Variants in MME observed in about 807,000 individuals in gnomAD.
MME encodes neprilysin.
Under a neutral mutation model 113.2 loss-of-function variants are expected in MME, and 98 were observed. That is an observed-to-expected ratio of 0.87 (90% CI 0.74 to 1.02). The LOEUF is 1.02. Among genes scored for constraint, MME ranks in the 50% least tolerant of loss-of-function variants. The pLI, the probability that MME is intolerant of heterozygous loss-of-function variation, is 0.00. For synonymous variants in MME, 292 were observed against 300.6 expected (o/e 0.97, Z 0.30); for missense variants, 836 against 896.0 (o/e 0.93, Z 0.86).
intron 1 of MME, among the ~76,000 whole-genome samples, chr3:155,060,165 G>A (rs1714086018): frequency 6.6e-6 from 1 of 152,144 alleles, no homozygotes; most frequent in Admixed American, 6.5e-5. Context: ...ATAACATGCT[G>A]AGAGGTTGCA....
chr3:155,076,919 G>A (rs1398331672), upstream of MME, among the ~76,000 whole-genome samples: 3 of 152,130 alleles, frequency 2.0e-5, no homozygotes, highest in East Asian at 1.9e-4. Context: ...GACCACCAGC[G>A]GTCACTTTCA....
chr3:155,122,026 G>A (rs1257399812), intron 8 of MME, among the ~76,000 whole-genome samples: 11 of 117,412 alleles, frequency 9.4e-5, no homozygotes, highest in African/African-American at 3.0e-4. Context: ...GGTAGAATTC[G>A]GCTGTGAATC....
chr3:155,118,699 C>T (rs1173908218), intron 7 of MME, 47 bp from the exon 8 acceptor site: 1 of 1,261,498 alleles, frequency 7.9e-7, no homozygotes, highest in Admixed American at 1.9e-5. Context: ...TCAAACTTTT[C>T]TATATTCACT....
intron 1 of MME, among the ~76,000 whole-genome samples, chr3:155,043,913 TTGC>T (rs1713450708): frequency 6.6e-6 from 1 of 152,124 alleles, no homozygotes; most frequent in Admixed American, 6.5e-5. Flanking sequence ...CCAAAAGCTT[TTGC>T]TATTTTAATG....
intron 1 of MME, among the ~76,000 whole-genome samples, chr3:155,047,505 C>T (rs1713599458): frequency 2.6e-5 from 4 of 152,174 alleles, no homozygotes; most frequent in Admixed American, 2.6e-4. Context: ...GTACTTATCA[C>T]CTCTAAAATT....
intron 3 of MME, among the ~76,000 whole-genome samples, chr3:155,096,822 G>A (rs1245711630): frequency 2.0e-5 from 3 of 152,042 alleles, no homozygotes; most frequent in African/African-American, 7.2e-5. Flanking sequence ...AGACTCAGGC[G>A]ATCCTCCCAC....
At chr3:155,090,777 C>A (rs569204337) in intron 3 of MME, among the ~76,000 whole-genome samples, 9 of 152,148 alleles carry the variant, frequency 5.9e-5, no homozygotes, top group Non-Finnish European at 1.3e-4. Flanking sequence ...GACTACTGTA[C>A]GCACATACTG....
At chr3:155,161,613 A>G (rs1189998363) in intron 17 of MME, among the ~76,000 whole-genome samples, 1 of 152,166 alleles carries the variant, frequency 6.6e-6, no homozygotes, top group Non-Finnish European at 1.5e-5. Flanking sequence ...AGTTATCTAC[A>G]GTTTCTTCTA....
chr3:155,116,590 GTATA>G (rs10522735), intron 5 of MME, 31 bp downstream of exon 5: 610 of 1,231,264 alleles, frequency 5.0e-4, no homozygotes, highest in Non-Finnish European at 5.8e-4. Flanking sequence ...TTCATTAGGA[GTATA>G]TATATATATA....
intron 3 of MME, among the ~76,000 whole-genome samples, chr3:155,089,634 C>G (rs541587640): frequency 1.3e-5 from 2 of 152,274 alleles, no homozygotes; most frequent in Admixed American, 1.3e-4. Context: ...TCCCTCTTAA[C>G]GGTAGGCAGG....
chr3:155,156,734 T>C (rs1722329662), intron 16 of MME, among the ~76,000 whole-genome samples: 1 of 152,120 alleles, frequency 6.6e-6, no homozygotes, highest in African/African-American at 2.4e-5. Context: ...CCCAGGCGAC[T>C]GGAGGAAGAC....
At chr3:155,163,315 A>G (rs1722847158) in intron 17 of MME, among the ~76,000 whole-genome samples, 1 of 152,228 alleles carries the variant, frequency 6.6e-6, no homozygotes, top group African/African-American at 2.4e-5. Context: ...ACTCATATCA[A>G]TAATTTCTAC....
intron 1 of MME, among the ~76,000 whole-genome samples, chr3:155,058,190 A>G: frequency 6.6e-6 from 1 of 152,234 alleles, no homozygotes; most frequent in East Asian, 1.9e-4. Context: ...AAAAATTTTA[A>G]TGAAGACTCA....
intron 1 of MME, among the ~76,000 whole-genome samples, chr3:155,065,152 T>C (rs1275666371): frequency 6.6e-6 from 1 of 152,206 alleles, no homozygotes; most frequent in East Asian, 1.9e-4. Context: ...TTCAACCCAG[T>C]AAAGTATCCT....
At position 155,183,289 on chromosome 3, in the gene MME, A is replaced by G. The variant is rs1270158561; in HGVS notation, c.*2830A>G. The G allele has an allele frequency of 6.6e-6, 1 of 152,126 alleles. No individual in the cohort carries two copies. The highest frequency in any genetic ancestry group is 2.4e-5 in the African/African-American group (1 of 41,416). 9.4% of individuals were successfully genotyped at this position (152,126 alleles called of 1,614,324 possible). Reference sequence around the variant, plus strand: ...TTGGGCCTCTGCTTCTCTCACCTAAAAAAAGAGAATTAGATTATATTGGTG... The same window carrying G: ...TTGGGCCTCTGCTTCTCTCACCTAAGAAAAGAGAATTAGATTATATTGGTG... On this transcript the variant is annotated 3_prime_UTR_variant, in exon 23 of 23. Coordinates refer to ENST00000360490, the MANE Select transcript of MME (RefSeq NM_007289.4).
intron 17 of MME, among the ~76,000 whole-genome samples, chr3:155,166,001 A>C (rs1169201513): frequency 2.0e-5 from 3 of 152,202 alleles, no homozygotes; most frequent in African/African-American, 7.2e-5. Context: ...GAGTAGACAT[A>C]CTGAAAACTA....
At chr3:155,027,337 A>G (rs1479548761) in intron 1 of MME, among the ~76,000 whole-genome samples, 1 of 152,184 alleles carries the variant, frequency 6.6e-6, no homozygotes, top group African/African-American at 2.4e-5. Context: ...TGCAGATCTG[A>G]TCTTACACTC....
intron 1 of MME, among the ~76,000 whole-genome samples, chr3:155,066,633 T>C (rs373045794): frequency 7.2e-5 from 11 of 152,268 alleles, no homozygotes; most frequent in African/African-American, 2.7e-4. Context: ...TTTCTATCAA[T>C]AAACTCACTT....
intron 3 of MME, among the ~76,000 whole-genome samples, chr3:155,086,707 G>T (rs1357710439): frequency 6.6e-6 from 1 of 152,198 alleles, no homozygotes; most frequent in Admixed American, 6.5e-5. Context: ...CCTTTAACAA[G>T]AGATTCTAAA....
Sources: allele counts gnomAD v4.1 joint callset (sites outside exome capture counted in the v4.1 genomes callset), GRCh38; gene constraint gnomAD v4.1.1; transcripts MANE v1.5; gene names NCBI Gene and HGNC (gene_info 2026-07-23, HGNC 2026-07-21).